PCDHA3: variants seen among roughly 807,000 people sequenced by gnomAD.
PCDHA3 encodes protocadherin alpha 3, also known as protocadherin alpha-3.
A neutral mutation model predicts 62.2 loss-of-function variants in PCDHA3; 41 were observed. That is an observed-to-expected ratio of 0.66 (90% confidence interval 0.51 to 0.86). The LOEUF is 0.86. PCDHA3 is among the 40% of genes least tolerant of loss of function. PCDHA3 has a pLI of 0.00. For missense variants in PCDHA3, 1,304 were observed against 1,241.2 expected, an observed-to-expected ratio of 1.05 and a Z score of -0.76; for synonymous variants, 640 against 555.4, an observed-to-expected ratio of 1.15 and a Z score of -2.14.
At chr5:140,976,470 G>A (rs1388811059) in intron 1 of PCDHA3, among the ~76,000 whole-genome samples, 3 of 152,116 alleles carry the variant, frequency 2.0e-5, no homozygotes, top group Non-Finnish European at 4.4e-5. Context: ...AGAATTGCTT[G>A]AATCCGGGAG....
At chr5:140,929,175 A>G (rs1554206790) in intron 1 of PCDHA3, 2 of 1,614,126 alleles carry the variant, frequency 1.2e-6, no homozygotes, top group East Asian at 4.5e-5. Flanking sequence ...CCTCTCTGGG[A>G]CTTGGTTCTG....
At chr5:140,912,908 A>T (rs986770915) in intron 1 of PCDHA3, among the ~76,000 whole-genome samples, 8 of 152,188 alleles carry the variant, frequency 5.3e-5, no homozygotes, top group African/African-American at 1.9e-4. Flanking sequence ...TATCATATTG[A>T]TTGATTTGTG....
chr5:140,967,748 G>T, intron 1 of PCDHA3: 1 of 1,614,204 alleles, frequency 6.2e-7, no homozygotes, highest in Non-Finnish European at 8.5e-7. Context: ...TTATGAGGAA[G>T]CCTCCTCCTA....
At position 140,869,660 on chromosome 5, in the gene PCDHA3, G is replaced by T. The variant is rs782182212; in HGVS notation, c.2394+66069G>T. On this transcript the variant is annotated intron_variant, in intron 1 of 3. Coordinates refer to ENST00000522353, the MANE Select transcript of PCDHA3 (RefSeq NM_018906.3). ...TTTTCTTTAGATTCACCAACAAATG[G>T]TAAGCAGATTAAAAGACTGTCACTT... is the stretch of plus-strand genomic sequence containing the variant. 7 of 1,613,392 alleles carry T rather than the reference G, an allele frequency of 4.3e-6. No individual in the cohort carries two copies. The Admixed American group carries it at 1.2e-4, about 27-fold the overall frequency.
At chr5:140,846,890 G>A (rs1554141524) in intron 1 of PCDHA3, among the ~76,000 whole-genome samples, 3 of 149,570 alleles carry the variant, frequency 2.0e-5, no homozygotes, top group South Asian at 2.1e-4. Context: ...TCAGAATGAC[G>A]TTGAAGTTGA....
At position 140,802,571 on chromosome 5, in the gene PCDHA3, C is replaced by G. The variant is rs377430096; in HGVS notation, c.1374C>G (p.Ser458=). ...VNDNAPAFSQ[S]EYTVFVKENN... is the part of the protein sequence containing the mutation. Reference sequence around the variant, plus strand: ...ACAATGCGCCGGCATTCTCGCAGTCCGAGTACACGGTGTTCGTGAAGGAGA... The same window carrying G: ...ACAATGCGCCGGCATTCTCGCAGTCGGAGTACACGGTGTTCGTGAAGGAGA... Residue 458 remains serine, a synonymous_variant, in exon 1 of 4, where the codon TCC becomes TCG. Coordinates refer to ENST00000522353, the MANE Select transcript of PCDHA3 (RefSeq NM_018906.3). The G allele has an allele frequency of 1.2e-5, 20 of 1,613,792 alleles. No individual in the cohort carries two copies. The highest frequency in any genetic ancestry group is 1.7e-5 in the Non-Finnish European group (20 of 1,179,952).
At chr5:140,934,029 T>A (rs1267400545) in intron 1 of PCDHA3, among the ~76,000 whole-genome samples, 1 of 152,114 alleles carries the variant, frequency 6.6e-6, no homozygotes, top group Admixed American at 6.5e-5. Flanking sequence ...GGAAGTAGTT[T>A]ATTAATGATA....
intron 1 of PCDHA3, among the ~76,000 whole-genome samples, chr5:140,917,244 C>T (rs891511496): frequency 1.9e-4 from 29 of 149,864 alleles, no homozygotes; most frequent in Non-Finnish European, 3.0e-4. Flanking sequence ...CTAGGTACTA[C>T]GATTGCTCAC....
intron 1 of PCDHA3, chr5:140,803,931 T>C (rs1329228144): frequency 2.3e-6 from 1 of 442,782 alleles, no homozygotes; most frequent in East Asian, 4.2e-5. Context: ...TTTATACTTA[T>C]CCCTATACAA....
chr5:140,884,054 G>C (rs1313975286), intron 1 of PCDHA3: 8 of 1,613,390 alleles, frequency 5.0e-6, no homozygotes, highest in Non-Finnish European at 4.2e-6. Context: ...GAAGGTGCGC[G>C]CGGTGGACGC....
intron 1 of PCDHA3, among the ~76,000 whole-genome samples, chr5:140,910,845 G>C (rs1448971238): frequency 6.6e-6 from 1 of 152,090 alleles, no homozygotes; most frequent in Non-Finnish European, 1.5e-5. Context: ...CAATGCCTTG[G>C]ATCTATGTTC....
chr5:140,831,911 T>C (rs1554133416), intron 1 of PCDHA3, among the ~76,000 whole-genome samples: 1 of 152,164 alleles, frequency 6.6e-6, no homozygotes. Context: ...AGCAAGTGCT[T>C]AAAAAATTTG....
At chr5:140,844,736 G>C (rs1001272539) in intron 1 of PCDHA3, among the ~76,000 whole-genome samples, 3 of 149,298 alleles carry the variant, frequency 2.0e-5, no homozygotes, top group Non-Finnish European at 4.5e-5. Context: ...AAAATATTTA[G>C]TATTATGGGA....
intron 1 of PCDHA3, chr5:140,828,068 G>C: frequency 6.4e-7 from 1 of 1,561,728 alleles, no homozygotes. Flanking sequence ...TCTTCTAATG[G>C]AAATAAAACC....
intron 1 of PCDHA3, chr5:140,823,529 G>A (rs1554129396): frequency 6.2e-7 from 1 of 1,613,792 alleles, no homozygotes; most frequent in South Asian, 1.1e-5. Context: ...AGGTCAGTGG[G>A]TGCGGGCCAC....
chr5:140,815,039 T>A (rs1316508062), intron 1 of PCDHA3: 2 of 152,098 alleles, frequency 1.3e-5, no homozygotes, highest in Admixed American at 6.5e-5. Flanking sequence ...TTGCATGAAA[T>A]TTTTTTAATA....
chr5:140,949,313 A>G (rs989940621), intron 1 of PCDHA3, among the ~76,000 whole-genome samples: 1 of 151,952 alleles, frequency 6.6e-6, no homozygotes, highest in Non-Finnish European at 1.5e-5. Context: ...GTAATGATTT[A>G]TAAATATAAA....
At chr5:140,870,789 G>A in intron 1 of PCDHA3, 3 of 1,613,630 alleles carry the variant, frequency 1.9e-6, no homozygotes, top group Admixed American at 1.7e-5. Context: ...ACAACGCGCC[G>A]GCACTGCTGG....
chr5:140,862,415 G>T (rs1382532896), intron 1 of PCDHA3: 12 of 348,784 alleles, frequency 3.4e-5, no homozygotes, highest in Admixed American at 1.9e-4. Context: ...TTCAAAAGGC[G>T]CTGCCCAGAA....
Sources: allele counts gnomAD v4.1 joint callset (sites outside exome capture counted in the v4.1 genomes callset), GRCh38; gene constraint gnomAD v4.1.1; transcripts MANE v1.5; gene names NCBI Gene and HGNC (gene_info 2026-07-23, HGNC 2026-07-21).